The following SMAD3 variants were observed in gnomAD, a reference collection of about 807,000 sequenced individuals.
SMAD3 encodes SMAD family member 3, also known as MAD homolog 3.
SMAD3 carries 12 observed loss-of-function variants against 51.8 expected under a neutral mutation model. The observed-to-expected ratio is 0.23, with a 90% CI of 0.15 to 0.38. The LOEUF (loss-of-function observed/expected upper bound fraction) is 0.38. SMAD3 is among the 10% of genes least tolerant of loss of function. The pLI is 1.00. For synonymous variants in SMAD3, 238 were observed against 227.7 expected, an observed-to-expected ratio of 1.05 and a Z score of -0.41; for missense variants, 294 against 565.6, an observed-to-expected ratio of 0.52 and a Z score of 4.87.
At chr15:67,112,400 A>T (rs1961038817) in intron 1 of SMAD3, among the ~76,000 whole-genome samples, 1 of 111,094 alleles carries the variant, frequency 9.0e-6, no homozygotes, top group Admixed American at 1.0e-4. Flanking sequence ...ACCTCAGGTG[A>T]TCCACACGCC....
chr15:67,116,842 T>A (rs927824356), intron 1 of SMAD3, among the ~76,000 whole-genome samples: 1 of 152,134 alleles, frequency 6.6e-6, no homozygotes, highest in African/African-American at 2.4e-5. Flanking sequence ...TTCTGCTTGA[T>A]GGTTGTAGTA....
intron 1 of SMAD3, chr15:67,138,616 C>CTTCT (rs1285311642): frequency 3.3e-5 from 5 of 152,794 alleles, no homozygotes; most frequent in African/African-American, 1.2e-4. Context: ...GCATTTGTTC[C>CTTCT]TTCTTTCTTT....
At chr15:67,089,117 G>A (rs573866584) in intron 1 of SMAD3, among the ~76,000 whole-genome samples, 3 of 152,162 alleles carry the variant, frequency 2.0e-5, no homozygotes, top group South Asian at 2.1e-4. Context: ...ACACCTAGCC[G>A]CCTTCTCTTG....
chr15:67,153,028 G>T (rs1044294025), intron 1 of SMAD3, among the ~76,000 whole-genome samples: 1 of 152,126 alleles, frequency 6.6e-6, no homozygotes, highest in African/African-American at 2.4e-5. Flanking sequence ...TAACATCTAG[G>T]TTCAAGCCCA....
chr15:67,067,222 C>A (rs1959945940), intron 1 of SMAD3, among the ~76,000 whole-genome samples: 1 of 152,214 alleles, frequency 6.6e-6, no homozygotes, highest in African/African-American at 2.4e-5. Flanking sequence ...AGCCTTCCTT[C>A]CCAAAGCGCG....
At chr15:67,174,131 T>C (rs1196977846) in intron 5 of SMAD3, among the ~76,000 whole-genome samples, 1 of 152,144 alleles carries the variant, frequency 6.6e-6, no homozygotes, top group East Asian at 1.9e-4. Flanking sequence ...TATTGTGGCC[T>C]CTCCTCCAGC....
rs184164132 is a variant in SMAD3, at chr15:67,131,707, G to A, written c.207-33188G>A. On this transcript the variant is annotated intron_variant, in intron 1 of 8. Transcript: ENST00000327367. ...AGCCACTATACCTCACTGCCTCTCT[G>A]TGACCAGGGTTGAGTCCTGGTCCTC... Among the ~76,000 whole-genome samples the A allele has an allele frequency of 4.4e-3, 665 of 152,246 alleles. 4 individuals are homozygous for A. Among genetic ancestry groups the A allele is most frequent in the Non-Finnish European group, 6.8e-3 (464 of 68,018 alleles).
At chr15:67,099,577 G>A (rs549230461) in intron 1 of SMAD3, among the ~76,000 whole-genome samples, 142 of 152,308 alleles carry the variant, frequency 9.3e-4, no homozygotes, top group African/African-American at 3.1e-3. Context: ...GGAGAACTGG[G>A]GGAATATGTA....
intron 1 of SMAD3, among the ~76,000 whole-genome samples, chr15:67,103,269 A>T (rs1020377944): frequency 2.6e-5 from 4 of 152,158 alleles, no homozygotes; most frequent in African/African-American, 9.7e-5. Context: ...AAAGCTACAC[A>T]CTTGAACCTG....
chr15:67,115,731 T>G (rs1961120222), intron 1 of SMAD3, among the ~76,000 whole-genome samples: 1 of 152,216 alleles, frequency 6.6e-6, no homozygotes, highest in Non-Finnish European at 1.5e-5. Context: ...TTCAGCACAT[T>G]TTACTGGCAA....
At chr15:67,104,276 A>G (rs2140227639) in intron 1 of SMAD3, among the ~76,000 whole-genome samples, 1 of 152,308 alleles carries the variant, frequency 6.6e-6, no homozygotes, top group East Asian at 1.9e-4. Context: ...GAATGAATGA[A>G]TGCCTTCCCA....
chr15:67,125,794 T>A, intron 1 of SMAD3: 1 of 985,550 alleles, frequency 1.0e-6, no homozygotes, highest in Non-Finnish European at 1.2e-6. Flanking sequence ...GTTAGGTCAC[T>A]GCTGGGCTGA....
intron 1 of SMAD3, among the ~76,000 whole-genome samples, chr15:67,121,029 TG>T (rs1169172498): frequency 6.6e-6 from 1 of 152,164 alleles, no homozygotes; most frequent in Non-Finnish European, 1.5e-5. Context: ...CCATCTCATA[TG>T]TTGGGACTTT....
In SMAD3 at chr15:67,181,471, T is replaced by TGGGCCCCCCCCCCC; in HGVS notation, c.871+18_871+19insGGGCCCCCCCCCCC. 1 of 1,521,092 alleles carries TGGGCCCCCCCCCCC rather than the reference T, an allele frequency of 6.6e-7. No individual in the cohort carries two copies. The highest frequency in any genetic ancestry group is 8.8e-7 in the Non-Finnish European group (1 of 1,132,000). The allele number at this position is 1,521,092 out of a possible 1,614,324, so 94.2% of individuals were successfully genotyped here. A position where few individuals can be genotyped will look rare whatever the true frequency, so the allele number is the denominator to read the frequency against. Reference sequence around the variant, plus strand: ...ACACATCGGTATGGGGTGGCTCCATTCCCCGCCCCCCCACCCTGCCCCTGC... The same window carrying TGGGCCCCCCCCCCC: ...ACACATCGGTATGGGGTGGCTCCATTGGGCCCCCCCCCCCCCCCGCCCCCCCACCCTGCCCCTGC... On this transcript the variant is annotated intron_variant, in intron 6 of 8. Coordinates refer to ENST00000327367, the MANE Select transcript of SMAD3 (RefSeq NM_005902.4).
intron 1 of SMAD3, among the ~76,000 whole-genome samples, chr15:67,078,977 A>G (rs1595887868): frequency 6.9e-6 from 1 of 145,080 alleles, no homozygotes; most frequent in Non-Finnish European, 1.5e-5. Context: ...AATGTCACAT[A>G]TTATTATTTT....
intron 1 of SMAD3, among the ~76,000 whole-genome samples, chr15:67,096,623 T>C (rs1960619878): frequency 6.6e-6 from 1 of 152,010 alleles, no homozygotes; most frequent in African/African-American, 2.4e-5. Context: ...CTTTCTATTT[T>C]AGTACCATGA....
intron 1 of SMAD3, among the ~76,000 whole-genome samples, chr15:67,131,795 G>C (rs1024232117): frequency 6.6e-6 from 1 of 152,116 alleles, no homozygotes; most frequent in South Asian, 2.1e-4. Flanking sequence ...GTTTTACCAC[G>C]TGTTAATTGG....
intron 1 of SMAD3, among the ~76,000 whole-genome samples, chr15:67,137,170 C>T (rs1961687757): frequency 6.6e-6 from 1 of 152,162 alleles, no homozygotes; most frequent in Non-Finnish European, 1.5e-5. Context: ...GACTTTTGAC[C>T]ACTTTTCTGA....
chr15:67,120,928 C>T (rs554668285), intron 1 of SMAD3, among the ~76,000 whole-genome samples: 1 of 152,226 alleles, frequency 6.6e-6, no homozygotes, highest in East Asian at 1.9e-4. Context: ...CCCAAGATGA[C>T]GACTCTTCCA....
Sources: gnomAD v4.1 joint callset for allele counts (sites outside exome capture counted in the v4.1 genomes callset) on GRCh38, gnomAD v4.1.1 for gene constraint, MANE v1.5 for transcripts, NCBI Gene and HGNC (gene_info 2026-07-23, HGNC 2026-07-21) for gene names.